Variants in FBXL13 observed in about 807,000 individuals in gnomAD.
The protein encoded by FBXL13 is F-box and leucine-rich repeat protein 13.
A neutral mutation model predicts 83.6 loss-of-function variants in FBXL13; 67 were observed. The ratio of observed to expected loss-of-function variants is 0.80; its 90% CI spans 0.66 to 0.98. The LOEUF (loss-of-function observed/expected upper bound fraction) is 0.98. Among genes scored for constraint, FBXL13 ranks in the 50% least tolerant of loss-of-function variants. The pLI is 0.00. For synonymous variants in FBXL13, 272 were observed against 299.5 expected, an observed-to-expected ratio of 0.91 and a Z score of 0.95; for missense variants, 822 against 866.5, an observed-to-expected ratio of 0.95 and a Z score of 0.64.
chr7:102,851,731 TA>T (rs1463527300), intron 17 of FBXL13, among the ~76,000 whole-genome samples: 1 of 152,088 alleles, frequency 6.6e-6, no homozygotes, highest in African/African-American at 2.4e-5. Flanking sequence ...TCAATACATG[TA>T]TGACACATGA....
At chr7:102,864,374 A>AT (rs10678128) in intron 16 of FBXL13, among the ~76,000 whole-genome samples, 27,365 of 147,682 alleles carry the variant, frequency 0.19, 2,737 homozygotes, top group East Asian at 0.43. Flanking sequence ...ACAAGTGTTC[A>AT]TTTTTTTTTT....
At chr7:102,830,647 T>C (rs1290019621) in intron 18 of FBXL13, among the ~76,000 whole-genome samples, 2 of 152,222 alleles carry the variant, frequency 1.3e-5, no homozygotes, top group Non-Finnish European at 2.9e-5. Flanking sequence ...CTCCTTTTTA[T>C]TGCAGCACAA....
intron 17 of FBXL13, among the ~76,000 whole-genome samples, chr7:102,835,156 C>T (rs1801650463): frequency 6.6e-6 from 1 of 152,186 alleles, no homozygotes; most frequent in Admixed American, 6.5e-5. Context: ...TCTTTGATCT[C>T]ATGCAGAACT....
Position 102,959,062 on chromosome 7 carries a change from G to T in FBXL13, c.724+4471C>A, listed in dbSNP as rs187267877. Reference sequence around the variant, plus strand: ...GAAAAAGAGAAAAGATATAGGAATAGGCATGAATGAAAATAAAACTGTCAA... The same window carrying T: ...GAAAAAGAGAAAAGATATAGGAATATGCATGAATGAAAATAAAACTGTCAA... On this transcript the variant is annotated intron_variant, in intron 8 of 19. Transcript: ENST00000313221. 1.2e-3 allele frequency among the ~76,000 whole-genome samples: 188 copies of T among 152,126 alleles called. 3 individuals are homozygous for T. The highest frequency in any genetic ancestry group is 6.9e-3 in the Admixed American group (105 of 15,256).
At chr7:102,999,462 A>G (rs1022637987) in intron 6 of FBXL13, among the ~76,000 whole-genome samples, 9 of 152,098 alleles carry the variant, frequency 5.9e-5, no homozygotes, top group African/African-American at 1.9e-4. Flanking sequence ...CTCCTCTTCA[A>G]TTTCTTGGAA....
At chr7:102,841,343 A>G (rs1802905322) in intron 17 of FBXL13, among the ~76,000 whole-genome samples, 1 of 151,838 alleles carries the variant, frequency 6.6e-6, no homozygotes, top group Admixed American at 6.6e-5. Context: ...GCTCCTACGG[A>G]TTATCTTCCT....
intron 6 of FBXL13, among the ~76,000 whole-genome samples, chr7:103,022,761 T>C (rs2129487863): frequency 6.6e-6 from 1 of 152,280 alleles, no homozygotes; most frequent in African/African-American, 2.4e-5. Context: ...GGCATAGAAC[T>C]TGGCAAAAAT....
intron 16 of FBXL13, among the ~76,000 whole-genome samples, chr7:102,871,403 T>A (rs1808514299): frequency 6.6e-6 from 1 of 152,012 alleles, no homozygotes; most frequent in African/African-American, 2.4e-5. Flanking sequence ...TTTTTTTTTT[T>A]AAGACAGGGT....
intron 18 of FBXL13, among the ~76,000 whole-genome samples, chr7:102,828,655 C>CA (rs1321062031): frequency 2.0e-5 from 3 of 152,062 alleles, no homozygotes; most frequent in Non-Finnish European, 4.4e-5. Context: ...TTAAAACAGA[C>CA]AAAAAATAGT....
chr7:102,831,882 T>C (rs949757372), intron 18 of FBXL13, among the ~76,000 whole-genome samples: 1 of 152,228 alleles, frequency 6.6e-6, no homozygotes, highest in Non-Finnish European at 1.5e-5. Context: ...CAAAATTATA[T>C]GTGTATATTC....
rs748896775 is a variant in FBXL13 at position 103,007,375 on chromosome 7, GA to G, written c.495+17687del. Among the ~76,000 whole-genome samples, 20 of 149,108 alleles carry G rather than the reference GA, an allele frequency of 1.3e-4. No individual in the cohort carries two copies. In the East Asian group the frequency reaches 2.9e-3, roughly 22 times the overall value. ...AAAAGACACACTACTTACAAAAGCA[GA>G]AAAAAAAAATTTAGCCCCTAACTGA... On this transcript the variant is annotated intron_variant, in intron 6 of 19. Transcript: ENST00000313221.
intron 11 of FBXL13, among the ~76,000 whole-genome samples, chr7:102,897,263 G>C (rs891606012): frequency 2.6e-5 from 4 of 151,964 alleles, no homozygotes; most frequent in African/African-American, 9.7e-5. Context: ...GGTATAGCTG[G>C]AGAAGGGAAA....
At chr7:103,015,362 G>T (rs970715306) in intron 6 of FBXL13, among the ~76,000 whole-genome samples, 1 of 152,130 alleles carries the variant, frequency 6.6e-6, no homozygotes, top group African/African-American at 2.4e-5. Flanking sequence ...GCAATAGAAA[G>T]AAATAAAAGA....
intron 16 of FBXL13, among the ~76,000 whole-genome samples, chr7:102,865,574 GCT>G (rs1217278843): frequency 6.6e-6 from 1 of 151,836 alleles, no homozygotes; most frequent in Non-Finnish European, 1.5e-5. Flanking sequence ...ACGGAGTCTT[GCT>G]CTGTCACCAG....
At chr7:103,033,403 TCTCA>T (rs1794726268) in intron 2 of FBXL13, among the ~76,000 whole-genome samples, 1 of 152,204 alleles carries the variant, frequency 6.6e-6, no homozygotes, top group Non-Finnish European at 1.5e-5. Flanking sequence ...GGGTTCTTGG[TCTCA>T]CTGACTTCAA....
intron 2 of FBXL13, among the ~76,000 whole-genome samples, chr7:103,031,777 A>G (rs11976417): frequency 0.011 from 1,672 of 152,340 alleles, 34 homozygotes; most frequent in African/African-American, 0.039. Context: ...ATAAATAATG[A>G]ATTCGTTGCA....
chr7:102,973,870 C>A, intron 6 of FBXL13: 1 of 693,560 alleles, frequency 1.4e-6, no homozygotes, highest in Non-Finnish European at 2.6e-6. Flanking sequence ...AAGGCTCCGA[C>A]GTGTGCCAGG....
At chr7:102,846,399 C>A (rs1215705125) in intron 17 of FBXL13, among the ~76,000 whole-genome samples, 1 of 152,074 alleles carries the variant, frequency 6.6e-6, no homozygotes, top group Non-Finnish European at 1.5e-5. Flanking sequence ...AGGCAGATCA[C>A]CTGAGGTCAG....
intron 8 of FBXL13, among the ~76,000 whole-genome samples, chr7:102,935,035 A>G (rs1820012411): frequency 6.6e-6 from 1 of 152,144 alleles, no homozygotes. Context: ...TGCAAATGCC[A>G]TCTATATAAC....
Sources: gnomAD v4.1 joint callset for allele counts (sites outside exome capture counted in the v4.1 genomes callset) on GRCh38, gnomAD v4.1.1 for gene constraint, MANE v1.5 for transcripts, NCBI Gene and HGNC (gene_info 2026-07-23, HGNC 2026-07-21) for gene names.